CROCC2: variants seen among roughly 807,000 people sequenced by gnomAD.
CROCC2 encodes the protein ciliary rootlet coiled-coil, rootletin family member 2.
A neutral mutation model predicts 177.6 loss-of-function variants in CROCC2; 163 were observed. The ratio of observed to expected loss-of-function variants is 0.92; its 90% CI spans 0.81 to 1.05. The LOEUF (loss-of-function observed/expected upper bound fraction) is 1.05, where lower values mean the gene tolerates loss of function less well. CROCC2 is among the 50% of genes least tolerant of loss of function. CROCC2 has a pLI of 0.00. For synonymous variants in CROCC2, 904 were observed against 787.3 expected (o/e 1.15, Z -2.48); for missense variants, 1,929 against 1,797.8 (o/e 1.07, Z -1.32).
At chr2:240,919,079 T>C (rs541542510) in intron 2 of CROCC2, among the ~76,000 whole-genome samples, 1 of 133,944 alleles carries the variant, frequency 7.5e-6, no homozygotes, top group African/African-American at 2.8e-5. Context: ...GGCCCGGGGC[T>C]GGGCAAGGTG....
In CROCC2 at chr2:240,965,400, A is replaced by G. The variant is rs1016273854; in HGVS notation, c.3485A>G (p.Glu1162Gly). 3.9e-6 allele frequency: 6 copies of G among 1,549,550 alleles called. No individual in the cohort carries two copies. The highest frequency in any genetic ancestry group is 2.4e-5 in the East Asian group (1 of 40,912). ...TCCCAGGTGAGGACACTGAAGGCCG[A>G]GAACCAGAGGAGGAGTGGAGAGGCC... ...LHRQVRTLKA[E>G]NQRRSGEAHE... The change falls in exon 23 of 32, where the codon GAG becomes GGG. Residue 1162 changes from glutamate (E) to glycine (G), a missense_variant. Physicochemically the swap from Glu to Gly is moderately conservative, Grantham distance 98. This residue lies in a region of CROCC2 where 1,397 missense variants were observed against 1,239.9 expected (regional missense o/e 1.13). Coordinates refer to ENST00000690015, the MANE Select transcript of CROCC2 (RefSeq NM_001351305.2).
At chr2:240,987,450 A>G (rs1169613713) in intron 28 of CROCC2, among the ~76,000 whole-genome samples, 1 of 152,222 alleles carries the variant, frequency 6.6e-6, no homozygotes, top group Admixed American at 6.5e-5. Context: ...TTAAAGAAAC[A>G]GGACTTCCTT....
At chr2:240,968,034 G>C in intron 26 of CROCC2, 95 bp from the exon 27 acceptor site, 1 of 1,264,784 alleles carries the variant, frequency 7.9e-7, no homozygotes, top group Non-Finnish European at 1.0e-6. Context: ...CCTCCACGTG[G>C]GAGCCAGTCA....
chr2:240,990,855 A>T (rs961058389), intron 30 of CROCC2, among the ~76,000 whole-genome samples: 2 of 151,614 alleles, frequency 1.3e-5, no homozygotes, highest in African/African-American at 4.8e-5. Flanking sequence ...TCGGCCACCC[A>T]AAGTGCTGGG....
intron 9 of CROCC2, 50 bp downstream of exon 9, chr2:240,932,958 A>G: frequency 1.3e-6 from 2 of 1,530,400 alleles, no homozygotes; most frequent in South Asian, 1.2e-5. Flanking sequence ...GGGCAGAAAC[A>G]TGAGCCCCTC....
chr2:240,967,185 A>G (rs2106481171), intron 25 of CROCC2, 160 bp from the exon 26 acceptor site: 1 of 394,472 alleles, frequency 2.5e-6, no homozygotes, highest in East Asian at 3.6e-5. Flanking sequence ...CCTTCCCCGC[A>G]CCTTCCCCGA....
At chr2:240,921,155 T>TC (rs1021553554) in intron 3 of CROCC2, among the ~76,000 whole-genome samples, 3 of 152,030 alleles carry the variant, frequency 2.0e-5, no homozygotes, top group Non-Finnish European at 4.4e-5. Context: ...GCCTGAGGGG[T>TC]CCCCAGGGGG....
intron 22 of CROCC2, 32 bp downstream of exon 22, chr2:240,964,657 C>G (rs2059666185): frequency 1.3e-6 from 2 of 1,540,338 alleles, no homozygotes; most frequent in African/African-American, 2.7e-5. Context: ...AACATCCAAC[C>G]AGGCACCCTC....
intron 5 of CROCC2, among the ~76,000 whole-genome samples, chr2:240,929,390 G>C (rs2059413757): frequency 6.6e-6 from 1 of 152,126 alleles, no homozygotes; most frequent in Non-Finnish European, 1.5e-5. Context: ...AGGTCAGTGA[G>C]CAGGAGAAGG....
In CROCC2 at chr2:240,988,828, C is replaced by G. The variant is rs1423506805; in HGVS notation, c.4641C>G (p.His1547Gln). 6.6e-7 allele frequency: 1 copy of G among 1,509,018 alleles called. No individual in the cohort carries two copies. The highest frequency in any genetic ancestry group is 1.3e-5 in the South Asian group (1 of 78,618). 93.5% of individuals were successfully genotyped at this position (1,509,018 alleles called of 1,614,324 possible). A position where few individuals can be genotyped will look rare whatever the true frequency, so the allele number is the denominator to read the frequency against. Residue 1547 changes from histidine to glutamine, a missense_variant, in exon 29 of 32, where the codon CAC (histidine) becomes CAG (glutamine). His to Gln is a conservative substitution (Grantham distance 24). Coordinates refer to ENST00000690015, the MANE Select transcript of CROCC2 (RefSeq NM_001351305.2). ...EQLDQSLNSL[H>Q]QEVDGALRQN... is the part of the protein sequence containing the mutation. The stretch of plus-strand genomic sequence containing the variant: ...TGGACCAGTCTCTGAACAGCCTGCA[C>G]CAGGAGGTGGACGGAGCCCTGAGGC...
Position 240,935,379 on chromosome 2 carries a change from C to T in CROCC2, c.1960C>T (p.Leu654=), listed in dbSNP as rs1221930943. 7.4e-7 allele frequency: 1 copy of T among 1,359,794 alleles called. No individual in the cohort carries two copies. The highest frequency in any genetic ancestry group is 3.3e-5 in the Admixed American group (1 of 30,220). The allele number at this position is 1,359,794 out of a possible 1,614,324, so 84.2% of individuals were successfully genotyped here. Residue 654 remains leucine, a synonymous_variant, in exon 14 of 32, where the codon CTG becomes TTG. Coordinates refer to ENST00000690015, the MANE Select transcript of CROCC2 (RefSeq NM_001351305.2). ...ALQLEQERDQ[L]REQRKTLEQE... is the part of the protein sequence containing the mutation. Reference sequence around the variant, plus strand: ...GCAGCTGGAGCAGGAGCGGGACCAGCTGCGGGAACAGCGGAAGACTCTGGA... The same window carrying T: ...GCAGCTGGAGCAGGAGCGGGACCAGTTGCGGGAACAGCGGAAGACTCTGGA...
chr2:240,983,491 C>A, intron 28 of CROCC2: 1 of 1,241,394 alleles, frequency 8.1e-7, no homozygotes. Context: ...CGGAGAGGCG[C>A]GTCCTGCAGG....
intron 12 of CROCC2, 146 bp from the exon 13 acceptor site, chr2:240,934,770 C>T: frequency 2.2e-6 from 2 of 896,836 alleles, no homozygotes; most frequent in East Asian, 3.1e-5. Context: ...CCTGAGACCT[C>T]CCCACTGTGG....
intron 7 of CROCC2, among the ~76,000 whole-genome samples, chr2:240,931,671 T>G (rs957356627): frequency 6.6e-6 from 1 of 152,182 alleles, no homozygotes; most frequent in Admixed American, 6.5e-5. Flanking sequence ...AGTGGAGGTC[T>G]AACCTGCTGG....
chr2:240,965,387 A>C lies in CROCC2; in HGVS notation c.3472A>C (p.Thr1158Pro). 1 of 1,549,360 alleles carries C rather than the reference A, an allele frequency of 6.5e-7. No individual in the cohort carries two copies. The highest frequency in any genetic ancestry group is 8.7e-7 in the Non-Finnish European group (1 of 1,146,880). Residue 1158 changes from threonine to proline, a missense_variant, in exon 23 of 32, where the codon ACA becomes CCA. This residue lies in a region of CROCC2 where 1,397 missense variants were observed against 1,239.9 expected (regional missense o/e 1.13). Coordinates refer to ENST00000690015, the MANE Select transcript of CROCC2 (RefSeq NM_001351305.2). ...TGCGGCCCCACGCTCCCAGGTGAGG[A>C]CACTGAAGGCCGAGAACCAGAGGAG... ...ELRELHRQVR[T>P]LKAENQRRSG...
In CROCC2 at chr2:240,950,522, G is replaced by A. The variant is rs1440620080; in HGVS notation, c.2829+12G>A. The A allele has an allele frequency of 1.9e-6, 3 of 1,544,476 alleles. No individual in the cohort carries two copies. In the South Asian group the frequency reaches 3.6e-5, roughly 19 times the overall value. On this transcript the variant is annotated intron_variant, in intron 18 of 31. Transcript: ENST00000690015. ...ACAAGATGCAACAGGTGATGGTGAG[G>A]CTGGGGGGCAGCGGGATTGCTCACA...
intron 20 of CROCC2, among the ~76,000 whole-genome samples, chr2:240,963,008 G>A (rs559144966): frequency 1.3e-5 from 2 of 152,324 alleles, no homozygotes; most frequent in South Asian, 4.1e-4. Context: ...ACGGGGGAAG[G>A]AAGGCCAAGG....
rs2059334977 is a variant in CROCC2, at chr2:240,918,604, C to G, written c.79-122C>G. The G allele has an allele frequency of 8.4e-6, 4 of 474,146 alleles. No homozygotes were observed. Among genetic ancestry groups the G allele is most frequent in the Non-Finnish European group, 1.5e-5 (4 of 270,094 alleles). The allele number at this position is 474,146 out of a possible 1,614,324, so 29.4% of individuals were successfully genotyped here. ...GACCTGCCCAGCCTCACCCTGTCCT[C>G]TCCAGGGCACTCTGCTGCCTTGGGG... On this transcript the variant is annotated intron_variant, in intron 1 of 31. Coordinates refer to ENST00000690015, the MANE Select transcript of CROCC2 (RefSeq NM_001351305.2). The surrounding 1 kb of genome is among the most constrained non-coding windows in gnomAD (Gnocchi z 6.3).
chr2:240,969,240 C>T (rs916321691), intron 27 of CROCC2, among the ~76,000 whole-genome samples: 4 of 152,210 alleles, frequency 2.6e-5, no homozygotes, highest in Non-Finnish European at 4.4e-5. Flanking sequence ...CAAGGGCAGC[C>T]GGCCAGGCCT....
Sources: gnomAD v4.1 joint callset for allele counts (sites outside exome capture counted in the v4.1 genomes callset) on GRCh38, gnomAD v4.1.1 for gene constraint, gnomAD v4.1.1 regional missense constraint, Gnocchi (gnomAD v3.1) non-coding constraint, MANE v1.5 for transcripts, NCBI Gene and HGNC (gene_info 2026-07-23, HGNC 2026-07-21) for gene names.